DLGAP1: variants seen among roughly 807,000 people sequenced by gnomAD.
DLGAP1 encodes disks large-associated protein 1.
DLGAP1 carries 11 observed loss-of-function variants against 90.8 expected under a neutral mutation model. That is an observed-to-expected ratio of 0.12 (90% CI 0.08 to 0.20). DLGAP1 has a LOEUF of 0.20. Among genes scored for constraint, DLGAP1 ranks in the 10% least tolerant of loss-of-function variants. The pLI, the probability that DLGAP1 is intolerant of heterozygous loss-of-function variation, is 1.00. For synonymous variants in DLGAP1, 558 were observed against 540.7 expected (o/e 1.03, Z -0.44); for missense variants, 1,050 against 1,333.8 (o/e 0.79, Z 3.31).
chr18:4,445,099 T>C (rs2083628354), intron 1 of DLGAP1, among the ~76,000 whole-genome samples: 1 of 152,192 alleles, frequency 6.6e-6, no homozygotes, highest in Admixed American at 6.5e-5. Context: ...AAATTCGAGT[T>C]TAATATTTTC....
chr18:4,443,057 AG>A (rs1362873209), intron 1 of DLGAP1, among the ~76,000 whole-genome samples: 2 of 152,256 alleles, frequency 1.3e-5, no homozygotes, highest in Non-Finnish European at 2.9e-5. Context: ...TGAAATACAT[AG>A]AAAAATTTGT....
At chr18:3,728,984 CAGA>C in intron 7 of DLGAP1, 148 bp downstream of exon 7, 1 of 1,212,084 alleles carries the variant, frequency 8.3e-7, no homozygotes. Flanking sequence ...GGGATAGAGG[CAGA>C]TAGGGAAGGA....
intron 1 of DLGAP1, among the ~76,000 whole-genome samples, chr18:4,397,554 TA>T (rs1360704568): frequency 6.6e-6 from 1 of 152,158 alleles, no homozygotes; most frequent in East Asian, 1.9e-4. Context: ...AGTCCTCAAA[TA>T]TTTTTTTCCT....
intron 2 of DLGAP1, among the ~76,000 whole-genome samples, chr18:4,054,338 A>G (rs548263240): frequency 6.6e-6 from 1 of 152,324 alleles, no homozygotes; most frequent in South Asian, 2.1e-4. Context: ...AATTTTAATG[A>G]AATCCTTCTC....
intron 5 of DLGAP1, among the ~76,000 whole-genome samples, chr18:3,777,598 A>T (rs553033373): frequency 2.6e-5 from 4 of 151,780 alleles, no homozygotes; most frequent in African/African-American, 9.7e-5. Context: ...TTTATTTGGA[A>T]TTTTTCATAC....
At chr18:4,350,453 A>G (rs1323032903) in intron 1 of DLGAP1, among the ~76,000 whole-genome samples, 1 of 152,140 alleles carries the variant, frequency 6.6e-6, no homozygotes, top group Non-Finnish European at 1.5e-5. Flanking sequence ...TTTCCTCAAC[A>G]CTAAAAGTAA....
At chr18:4,128,580 G>C (rs889790763) in intron 2 of DLGAP1, among the ~76,000 whole-genome samples, 2 of 152,080 alleles carry the variant, frequency 1.3e-5, no homozygotes, top group African/African-American at 4.8e-5. Flanking sequence ...AAAGCCCCCA[G>C]TACACAGGAA....
chr18:3,778,638 G>C (rs1291929916), intron 5 of DLGAP1, among the ~76,000 whole-genome samples: 3 of 152,146 alleles, frequency 2.0e-5, no homozygotes, highest in Admixed American at 1.3e-4. Flanking sequence ...GGCAAGTGGG[G>C]AGAGATTCAA....
intron 7 of DLGAP1, among the ~76,000 whole-genome samples, chr18:3,707,614 A>G (rs1341072168): frequency 6.6e-6 from 1 of 151,990 alleles, no homozygotes; most frequent in African/African-American, 2.4e-5. Flanking sequence ...AAAGAAAAAA[A>G]AAAAAAAGAA....
intron 1 of DLGAP1, among the ~76,000 whole-genome samples, chr18:4,439,663 G>T (rs2083482433): frequency 6.6e-6 from 1 of 152,000 alleles, no homozygotes; most frequent in South Asian, 2.1e-4. Context: ...AAATAAACTA[G>T]CCAGGCATGG....
chr18:4,079,287 T>TCA (rs6146196), intron 2 of DLGAP1, among the ~76,000 whole-genome samples: 3,029 of 142,478 alleles, frequency 0.021, 43 homozygotes, highest in East Asian at 0.037. Context: ...AAAGAAAATG[T>TCA]CACACACACA....
At chr18:3,595,501 GA>G (rs925724202) in intron 7 of DLGAP1, among the ~76,000 whole-genome samples, 221 of 147,496 alleles carry the variant, frequency 1.5e-3, no homozygotes, top group African/African-American at 4.9e-3. Context: ...ACAGGCATGA[GA>G]AAAAAAAAAG....
chr18:3,839,085 T>C (rs1307589417), intron 4 of DLGAP1, among the ~76,000 whole-genome samples: 1 of 152,238 alleles, frequency 6.6e-6, no homozygotes, highest in Non-Finnish European at 1.5e-5. Flanking sequence ...TTATAATTTC[T>C]TGCTTTTGAG....
At chr18:4,240,489 C>CTAAT (rs2078510165) in intron 1 of DLGAP1, among the ~76,000 whole-genome samples, 1 of 152,042 alleles carries the variant, frequency 6.6e-6, no homozygotes, top group Non-Finnish European at 1.5e-5. Flanking sequence ...CAATATCAGA[C>CTAAT]TAATTATAAT....
rs1269712693 is a variant in DLGAP1 at position 3,880,027 on chromosome 18, G to A, written c.42C>T (p.Val14=). 6.2e-7 allele frequency: 1 copy of A among 1,607,206 alleles called. No individual in the cohort carries two copies. The highest frequency in any genetic ancestry group is 1.7e-5 in the Admixed American group (1 of 60,012). Residue 14 remains valine, a synonymous_variant, in exon 4 of 13, where the codon GTC becomes GTT. Transcript: ENST00000315677. ...LSGSRSHHHG[V]TCDSACDSLS... ...GCGAGTCACAGGCCGAGTCGCAGGTGACCCCGTGGTGATGGCTGCGGCTGC... is the reference window on the plus strand; with the variant it reads ...GCGAGTCACAGGCCGAGTCGCAGGTAACCCCGTGGTGATGGCTGCGGCTGC...
chr18:3,959,093 T>G (rs186865275), intron 3 of DLGAP1, among the ~76,000 whole-genome samples: 1 of 152,290 alleles, frequency 6.6e-6, no homozygotes, highest in East Asian at 1.9e-4. Flanking sequence ...CATTATATTC[T>G]CATTCAATGA....
In DLGAP1 at chr18:3,765,117, CT is replaced by C. The variant is rs921982904; in HGVS notation, c.1173-22606del. 3.1e-3 allele frequency among the ~76,000 whole-genome samples: 397 copies of C among 126,334 alleles called. 3 individuals are homozygous for C. The highest frequency in any genetic ancestry group is 7.9e-3 in the Middle Eastern group (2 of 254). 82.9% of individuals were successfully genotyped at this position (126,334 alleles called of 152,430 possible). The stretch of plus-strand genomic sequence containing the variant: ...CAGAATCTCCATGCACACTTGCAAA[CT>C]TTTTTTTTTTTCTTTTTTTTTTTTT... On this transcript the variant is annotated intron_variant, in intron 5 of 12. Coordinates refer to ENST00000315677, the MANE Select transcript of DLGAP1 (RefSeq NM_004746.4).
At chr18:4,431,086 G>A (rs1446713762) in intron 1 of DLGAP1, 1 of 153,466 alleles carries the variant, frequency 6.5e-6, no homozygotes, top group African/African-American at 2.4e-5. Flanking sequence ...ATTGAGGCTA[G>A]GGAAAAGGTG....
At chr18:3,866,289 A>C (rs906896047) in intron 4 of DLGAP1, among the ~76,000 whole-genome samples, 1 of 152,176 alleles carries the variant, frequency 6.6e-6, no homozygotes, top group South Asian at 2.1e-4. Flanking sequence ...TACAGATCCC[A>C]ATTTTTTGGG....
Sources: gnomAD v4.1 joint callset for allele counts (sites outside exome capture counted in the v4.1 genomes callset) on GRCh38, gnomAD v4.1.1 for gene constraint, MANE v1.5 for transcripts, NCBI Gene and HGNC (gene_info 2026-07-23, HGNC 2026-07-21) for gene names.